CERS3: variants seen among roughly 807,000 people sequenced by gnomAD.
The protein encoded by CERS3 is ceramide synthase 3.
In CERS3, 33 loss-of-function variants were observed where a neutral mutation model predicts 50.3. The ratio of observed to expected loss-of-function variants is 0.66; its 90% CI spans 0.50 to 0.88. The LOEUF (loss-of-function observed/expected upper bound fraction) is 0.88, where lower values mean the gene tolerates loss of function less well. CERS3 is among the 40% of genes least tolerant of loss of function. CERS3 has a pLI of 0.00. For synonymous variants in CERS3, 176 were observed against 155.2 expected (o/e 1.13, Z -0.99); for missense variants, 470 against 460.3 (o/e 1.02, Z -0.19).
intron 1 of CERS3, among the ~76,000 whole-genome samples, chr15:100,527,399 C>T (rs752058387): frequency 4.6e-5 from 7 of 151,996 alleles, no homozygotes; most frequent in Non-Finnish European, 1.0e-4. Flanking sequence ...ATGTTCTGTC[C>T]ACCACACCAA....
At position 100,472,965 on chromosome 15, in the gene CERS3, G is replaced by A. The variant is rs1468353473; in HGVS notation, c.697C>T (p.Leu233Phe). 6.2e-7 allele frequency: 1 copy of A among 1,613,862 alleles called. No individual in the cohort carries two copies. Among genetic ancestry groups the A allele is most frequent in the Non-Finnish European group, 8.5e-7 (1 of 1,179,940 alleles). Residue 233 changes from leucine (L) to phenylalanine (F), a missense_variant, in exon 9 of 12, where the codon CTC becomes TTC. By Grantham distance (22) the Leu-to-Phe change is conservative. Transcript: ENST00000679737. ...WCANYIRSGT[L>F]VMIVHDVADI... ...GCCACATCGTGTACAATCATCACGA[G>A]GGTCCCACTGCGAATATAATTAGCA...
intron 2 of CERS3, among the ~76,000 whole-genome samples, chr15:100,506,456 T>A (rs1233702711): frequency 1.0e-5 from 1 of 98,468 alleles, no homozygotes; most frequent in African/African-American, 3.9e-5. Flanking sequence ...TGTGAAGAAA[T>A]CGGGACCCCC....
At chr15:100,483,671 G>C (rs1463262415) in intron 5 of CERS3, among the ~76,000 whole-genome samples, 2 of 151,732 alleles carry the variant, frequency 1.3e-5, no homozygotes, top group Non-Finnish European at 2.9e-5. Context: ...AAACACCTAA[G>C]AGACCCTTAA....
chr15:100,497,144 C>T (rs1019149645), intron 3 of CERS3, among the ~76,000 whole-genome samples: 5 of 151,890 alleles, frequency 3.3e-5, no homozygotes, highest in African/African-American at 9.7e-5. Context: ...AATAAAGGAT[C>T]ACCAAATACA....
intron 11 of CERS3, among the ~76,000 whole-genome samples, chr15:100,446,364 G>GTTT (rs11449303): frequency 2.3e-4 from 29 of 128,532 alleles, no homozygotes; most frequent in Non-Finnish European, 2.7e-4. Flanking sequence ...AACTTCTCAG[G>GTTT]TTTTTTTTTT....
chr15:100,525,315 C>T (rs1486496276), intron 1 of CERS3, among the ~76,000 whole-genome samples: 1 of 152,124 alleles, frequency 6.6e-6, no homozygotes, highest in Non-Finnish European at 1.5e-5. Context: ...CACAGATTTT[C>T]CAGTGGGCAG....
intron 5 of CERS3, among the ~76,000 whole-genome samples, chr15:100,482,858 G>A (rs1398218283): frequency 1.3e-5 from 2 of 152,128 alleles, no homozygotes; most frequent in African/African-American, 4.8e-5. Context: ...GATTTCTGTA[G>A]CACATCCCAC....
rs563099632 is a variant in CERS3 at position 100,521,567 on chromosome 15, A to C, written c.-2+100T>G. ...CACTTGTCCCCAGAATATGCAAAAC[A>C]ATGCCAGATATCAACTTCTGAGTCA... On this transcript the variant is annotated intron_variant, in intron 2 of 11. Coordinates refer to ENST00000679737, the MANE Select transcript of CERS3 (RefSeq NM_001378789.1). 3 of 152,372 alleles carry C rather than the reference A, an allele frequency of 2.0e-5. No individual in the cohort carries two copies. The South Asian group carries it at 6.2e-4, about 32-fold the overall frequency. 9.4% of individuals were successfully genotyped at this position (152,372 alleles called of 1,614,324 possible).
chr15:100,518,565 C>T (rs761919909), intron 2 of CERS3, among the ~76,000 whole-genome samples: 1 of 152,198 alleles, frequency 6.6e-6, no homozygotes, highest in Non-Finnish European at 1.5e-5. Flanking sequence ...TTCAAATACA[C>T]ATTCTTTCAA....
At chr15:100,425,763 T>G (rs1235857461) in intron 11 of CERS3, among the ~76,000 whole-genome samples, 1 of 152,098 alleles carries the variant, frequency 6.6e-6, no homozygotes, top group African/African-American at 2.4e-5. Context: ...GGACATGAGA[T>G]GTGGGAGAGG....
chr15:100,438,072 C>G (rs538006525), intron 11 of CERS3, among the ~76,000 whole-genome samples: 1 of 126,978 alleles, frequency 7.9e-6, no homozygotes, highest in Non-Finnish European at 1.6e-5. Flanking sequence ...TGGAGTCTCA[C>G]TCTGTCTCCC....
chr15:100,497,258 T>TAG (rs993029099), intron 3 of CERS3, among the ~76,000 whole-genome samples: 5 of 151,534 alleles, frequency 3.3e-5, no homozygotes, highest in South Asian at 2.1e-4. Context: ...GACATATATA[T>TAG]AGAGAGAGAG....
Position 100,405,127 on chromosome 15 carries a change from A to G in CERS3, c.1000-2262T>C, listed in dbSNP as rs2030889982. Among the ~76,000 whole-genome samples, 4 of 152,202 alleles carry G rather than the reference A, an allele frequency of 2.6e-5. No homozygotes were observed. The South Asian group carries it at 8.3e-4, about 32-fold the overall frequency. ...AAATTAAAAACTTTTGCCCTAAGAC[A>G]GACACTATTCAGAGAATGAAAGGAT... is the stretch of plus-strand genomic sequence containing the variant. On this transcript the variant is annotated intron_variant, in intron 11 of 11. Coordinates refer to ENST00000679737, the MANE Select transcript of CERS3 (RefSeq NM_001378789.1).
upstream of CERS3, among the ~76,000 whole-genome samples, chr15:100,530,630 T>A (rs78647874): frequency 0.014 from 2,058 of 152,322 alleles, 25 homozygotes; most frequent in East Asian, 0.028. Flanking sequence ...TAGATCTCTT[T>A]CTACCCCTGG....
chr15:100,490,768 C>A (rs780619034), intron 4 of CERS3, 49 bp downstream of exon 4: 1 of 1,126,176 alleles, frequency 8.9e-7, no homozygotes, highest in East Asian at 2.4e-5. Flanking sequence ...ATAATTGAAC[C>A]ATTAAGAAAG....
At chr15:100,410,348 G>A (rs2031383796) in intron 11 of CERS3, among the ~76,000 whole-genome samples, 1 of 152,194 alleles carries the variant, frequency 6.6e-6, no homozygotes, top group Non-Finnish European at 1.5e-5. Flanking sequence ...CACTCCAGCA[G>A]GCACAGGAGG....
chr15:100,520,311 GTATT>G (rs2036604903), intron 2 of CERS3, among the ~76,000 whole-genome samples: 1 of 152,174 alleles, frequency 6.6e-6, no homozygotes, highest in South Asian at 2.1e-4. Context: ...GCCTCCATTT[GTATT>G]CTTGCCCTGT....
chr15:100,455,099 G>C (rs2034317291), intron 11 of CERS3, among the ~76,000 whole-genome samples: 1 of 152,144 alleles, frequency 6.6e-6, no homozygotes, highest in Admixed American at 6.6e-5. Context: ...AAAGACACTG[G>C]TGAGAATGTA....
At chr15:100,508,359 T>C (rs1039203168) in intron 2 of CERS3, among the ~76,000 whole-genome samples, 29 of 152,188 alleles carry the variant, frequency 1.9e-4, no homozygotes, top group African/African-American at 7.0e-4. Flanking sequence ...CTTCCCTGAA[T>C]AGCCTTAAAA....
Sources: gnomAD v4.1 joint callset for allele counts (sites outside exome capture counted in the v4.1 genomes callset) on GRCh38, gnomAD v4.1.1 for gene constraint, MANE v1.5 for transcripts, NCBI Gene and HGNC (gene_info 2026-07-23, HGNC 2026-07-21) for gene names.